The following ZNF385D variants were observed in gnomAD, a reference collection of about 807,000 sequenced individuals.
ZNF385D encodes the protein zinc finger protein 659.
In ZNF385D, 15 loss-of-function variants were observed where a neutral mutation model predicts 35.8. The observed-to-expected ratio is 0.42, with a 90% CI of 0.28 to 0.64. The LOEUF (loss-of-function observed/expected upper bound fraction) is 0.64. Ranked by LOEUF, ZNF385D falls within the 30% of genes least tolerant of loss-of-function variation. The probability of loss-of-function intolerance (pLI) is 0.23; values close to 1 mark genes in which losing one functional copy is unlikely to be tolerated. For synonymous variants in ZNF385D, 212 were observed against 186.8 expected, an observed-to-expected ratio of 1.13 and a Z score of -1.10; for missense variants, 474 against 494.6, an observed-to-expected ratio of 0.96 and a Z score of 0.39.
chr3:21,600,690 G>C (rs986591765), intron 2 of ZNF385D, among the ~76,000 whole-genome samples: 2 of 151,464 alleles, frequency 1.3e-5, no homozygotes, highest in Non-Finnish European at 3.0e-5. Flanking sequence ...AAAACACACA[G>C]AGAGAGAGGA....
At chr3:21,682,361 A>T (rs2066943460) in intron 1 of ZNF385D, among the ~76,000 whole-genome samples, 1 of 150,248 alleles carries the variant, frequency 6.7e-6, no homozygotes. Context: ...GAGTAAGGGG[A>T]AAGCTAAAGG....
At chr3:21,468,362 A>G (rs1451189868) in intron 4 of ZNF385D, among the ~76,000 whole-genome samples, 1 of 136,332 alleles carries the variant, frequency 7.3e-6, no homozygotes, top group Non-Finnish European at 1.5e-5. Flanking sequence ...AGATCATACC[A>G]CTGCACTCCA....
chr3:22,214,405 C>G (rs139463981), intron 2 of ZNF385D, among the ~76,000 whole-genome samples: 36 of 152,052 alleles, frequency 2.4e-4, no homozygotes, highest in African/African-American at 8.2e-4. Flanking sequence ...AATCTGGGCA[C>G]CTTGAAAAAA....
At chr3:22,009,386 G>A (rs1696423431) in intron 3 of ZNF385D, among the ~76,000 whole-genome samples, 1 of 152,050 alleles carries the variant, frequency 6.6e-6, no homozygotes, top group Non-Finnish European at 1.5e-5. Context: ...CATTTTGGGA[G>A]GCCAAGTCAG....
intron 3 of ZNF385D, among the ~76,000 whole-genome samples, chr3:21,938,832 T>C (rs1310113805): frequency 6.6e-6 from 1 of 152,206 alleles, no homozygotes; most frequent in Non-Finnish European, 1.5e-5. Flanking sequence ...CTTCTACTCT[T>C]TCTTATCCAG....
chr3:22,015,317 T>C (rs1328258030), intron 3 of ZNF385D, among the ~76,000 whole-genome samples: 1 of 152,178 alleles, frequency 6.6e-6, no homozygotes, highest in African/African-American at 2.4e-5. Context: ...CATTGCACTA[T>C]GATTTTCAGT....
At chr3:21,994,737 G>C (rs1393645449) in intron 3 of ZNF385D, among the ~76,000 whole-genome samples, 2 of 152,294 alleles carry the variant, frequency 1.3e-5, no homozygotes, top group East Asian at 3.9e-4. Context: ...TGATTGTGTA[G>C]GGTGCTTTGG....
intron 3 of ZNF385D, among the ~76,000 whole-genome samples, chr3:21,540,201 AG>A (rs2062138618): frequency 6.6e-6 from 1 of 152,230 alleles, no homozygotes; most frequent in South Asian, 2.1e-4. Flanking sequence ...TGAATTAAAT[AG>A]GCAAAAGCAG....
intron 2 of ZNF385D, among the ~76,000 whole-genome samples, chr3:22,333,336 T>C (rs1695022230): frequency 6.6e-6 from 1 of 152,078 alleles, no homozygotes; most frequent in Admixed American, 6.6e-5. Context: ...ATTTAAGGAG[T>C]TTTCCATCAT....
intron 2 of ZNF385D, among the ~76,000 whole-genome samples, chr3:21,573,848 TC>T (rs1286459737): frequency 6.6e-6 from 1 of 151,502 alleles, no homozygotes; most frequent in Non-Finnish European, 1.5e-5. Flanking sequence ...TCACCTGAGG[TC>T]AGGAATTCAA....
chr3:21,643,855 C>T (rs2065676084), intron 2 of ZNF385D, among the ~76,000 whole-genome samples: 1 of 152,112 alleles, frequency 6.6e-6, no homozygotes, highest in African/African-American at 2.4e-5. Flanking sequence ...ATTTCCAAAA[C>T]TGCAGAAAGT....
In ZNF385D at chr3:22,099,153, A is replaced by G. The variant is rs138704986; in HGVS notation, c.325+69664T>C. ...AGCCAATGAAAACATCAATGTGACT[A>G]TGTCAGTTGACATGGAAAAATGCTC... is the stretch of plus-strand genomic sequence containing the variant. On this transcript the variant is annotated intron_variant, in intron 3 of 5. Transcript: ENST00000494108. Among the ~76,000 whole-genome samples the G allele has an allele frequency of 1.6e-4, 25 of 152,236 alleles. No homozygotes were observed. In the East Asian group the frequency reaches 4.6e-3, roughly 28 times the overall value.
intron 3 of ZNF385D, among the ~76,000 whole-genome samples, chr3:22,160,156 G>A (rs1261068076): frequency 6.6e-6 from 1 of 152,074 alleles, no homozygotes; most frequent in Non-Finnish European, 1.5e-5. Context: ...ATGTGGAACT[G>A]TGAGTGAAAT....
chr3:21,877,555 T>A (rs534615611), intron 3 of ZNF385D, among the ~76,000 whole-genome samples: 1 of 152,096 alleles, frequency 6.6e-6, no homozygotes, highest in African/African-American at 2.4e-5. Context: ...TGGTAATTGA[T>A]TCTGGAGAGC....
At position 22,173,449 on chromosome 3, in the gene ZNF385D, C is replaced by CT. The variant is rs370427244; in HGVS notation, c.107-4415dup. On this transcript the variant is annotated intron_variant, in intron 2 of 5. Coordinates refer to the ZNF385D transcript ENST00000494108. Reference sequence around the variant, plus strand: ...CCAATTTGGCAACTTTTCTGCAACTCTAAGACAATTATACAGTAAAAGTTT... The same window carrying CT: ...CCAATTTGGCAACTTTTCTGCAACTCTTAAGACAATTATACAGTAAAAGTTT... Among the ~76,000 whole-genome samples the CT allele has an allele frequency of 2.8e-3, 428 of 152,238 alleles. 1 individual carries two copies. The highest frequency in any genetic ancestry group is 9.4e-3 in the African/African-American group (391 of 41,540).
intron 4 of ZNF385D, among the ~76,000 whole-genome samples, chr3:21,443,779 T>C (rs573191103): frequency 6.6e-6 from 1 of 152,100 alleles, no homozygotes; most frequent in Admixed American, 6.5e-5. Flanking sequence ...CTTTCTACCT[T>C]TACATTATTT....
At chr3:21,690,923 T>C (rs1227462395) in intron 1 of ZNF385D, among the ~76,000 whole-genome samples, 1 of 152,184 alleles carries the variant, frequency 6.6e-6, no homozygotes, top group Non-Finnish European at 1.5e-5. Context: ...TCTAAAACTG[T>C]TCCTCCTTCA....
chr3:22,171,537 A>G (rs1408118077), intron 2 of ZNF385D, among the ~76,000 whole-genome samples: 3 of 152,204 alleles, frequency 2.0e-5, no homozygotes, highest in Non-Finnish European at 1.5e-5. Flanking sequence ...ACACTAAGGA[A>G]AAAAGAGAAC....
At chr3:21,752,457 A>T (rs2070147206), upstream of ZNF385D, among the ~76,000 whole-genome samples, 1 of 152,186 alleles carries the variant, frequency 6.6e-6, no homozygotes, top group Non-Finnish European at 1.5e-5. Flanking sequence ...TCCTTACGCG[A>T]TTCTATATCT....
Sources: allele counts gnomAD v4.1 joint callset (sites outside exome capture counted in the v4.1 genomes callset), GRCh38; gene constraint gnomAD v4.1.1; transcripts MANE v1.5; gene names NCBI Gene and HGNC (gene_info 2026-07-23, HGNC 2026-07-21).